Variants in NECAB1 observed in about 807,000 individuals in gnomAD.
NECAB1 encodes the protein N-terminal EF-hand calcium-binding protein 1.
Under a neutral mutation model 57.5 loss-of-function variants are expected in NECAB1, and 29 were observed. The observed-to-expected ratio is 0.50, with a 90% CI of 0.38 to 0.69. The LOEUF (loss-of-function observed/expected upper bound fraction) is 0.69. Ranked by LOEUF, NECAB1 falls within the 30% of genes least tolerant of loss-of-function variation. The probability of loss-of-function intolerance (pLI) is 0.00; values close to 1 mark genes in which losing one functional copy is unlikely to be tolerated. For missense variants in NECAB1, 372 were observed against 413.8 expected (o/e 0.90, Z 0.88); for synonymous variants, 142 against 147.7 (o/e 0.96, Z 0.28).
intron 3 of NECAB1, among the ~76,000 whole-genome samples, chr8:90,865,903 T>C (rs78918480): frequency 0.017 from 2,544 of 152,310 alleles, 78 homozygotes; most frequent in African/African-American, 0.058. Flanking sequence ...CTCAGTTTAG[T>C]TGGTATCTGC....
At chr8:90,892,275 C>T (rs1809200700) in intron 5 of NECAB1, among the ~76,000 whole-genome samples, 1 of 151,888 alleles carries the variant, frequency 6.6e-6, no homozygotes, top group Non-Finnish European at 1.5e-5. Context: ...GGTTTTTTCT[C>T]TATTGTGGGA....
chr8:90,879,118 A>G (rs1808788424), intron 4 of NECAB1, among the ~76,000 whole-genome samples: 1 of 143,358 alleles, frequency 7.0e-6, no homozygotes, highest in Non-Finnish European at 1.5e-5. Flanking sequence ...CTATATATAG[A>G]TATCTATATA....
chr8:90,954,875 A>G (rs977632684), intron 12 of NECAB1, among the ~76,000 whole-genome samples: 1 of 147,980 alleles, frequency 6.8e-6, no homozygotes, highest in Admixed American at 6.8e-5. Context: ...ATATGCATAT[A>G]TGTATATTAT....
intron 5 of NECAB1, among the ~76,000 whole-genome samples, chr8:90,910,642 G>C (rs1231786000): frequency 6.6e-6 from 1 of 152,036 alleles, no homozygotes; most frequent in African/African-American, 2.4e-5. Context: ...GGTCCCTCCT[G>C]ACATAGCCCT....
intron 9 of NECAB1, among the ~76,000 whole-genome samples, chr8:90,935,554 AG>A (rs1810518050): frequency 6.6e-6 from 1 of 152,128 alleles, no homozygotes; most frequent in South Asian, 2.1e-4. Flanking sequence ...GCAGTCCCGG[AG>A]GCACAGGAAT....
In NECAB1 at chr8:90,917,430, A is replaced by G. The variant is rs1256016498; in HGVS notation, c.358-62A>G. The stretch of plus-strand genomic sequence containing the variant: ...TGATGGGTACATGGTAAAAGAAAAA[A>G]AAAAAATCCTGGGTATTTTTTTCTA... On this transcript the variant is annotated intron_variant, in intron 5 of 12. Transcript: ENST00000417640. The G allele has an allele frequency of 8.7e-6, 13 of 1,499,844 alleles. No homozygotes were observed. In the East Asian group the frequency reaches 2.5e-4, roughly 29 times the overall value. The allele number at this position is 1,499,844 out of a possible 1,614,324, so 92.9% of individuals were successfully genotyped here. A position where few individuals can be genotyped will look rare whatever the true frequency, so the allele number is the denominator to read the frequency against.
At chr8:90,816,942 C>T (rs764646961) in intron 2 of NECAB1, among the ~76,000 whole-genome samples, 9 of 151,610 alleles carry the variant, frequency 5.9e-5, no homozygotes, top group South Asian at 4.1e-4. Flanking sequence ...AACCCATGGA[C>T]GTAGAATATC....
At chr8:90,887,459 A>C (rs1002485703) in intron 5 of NECAB1, among the ~76,000 whole-genome samples, 1 of 152,236 alleles carries the variant, frequency 6.6e-6, no homozygotes, top group African/African-American at 2.4e-5. Context: ...CATGTAAAAC[A>C]TTAGCCTATT....
intron 4 of NECAB1, among the ~76,000 whole-genome samples, chr8:90,876,565 A>G (rs1302305957): frequency 6.6e-6 from 1 of 152,158 alleles, no homozygotes; most frequent in East Asian, 1.9e-4. Flanking sequence ...TGAAAACTCA[A>G]CAACTTGAAA....
intron 3 of NECAB1, among the ~76,000 whole-genome samples, chr8:90,855,456 G>A (rs940703311): frequency 6.6e-6 from 1 of 152,138 alleles, no homozygotes; most frequent in African/African-American, 2.4e-5. Flanking sequence ...GAACTGGTTG[G>A]ATTAAGGAGT....
chr8:90,906,891 A>ATATATATG (rs1809680355), intron 5 of NECAB1, among the ~76,000 whole-genome samples: 1 of 113,412 alleles, frequency 8.8e-6, no homozygotes, highest in African/African-American at 4.0e-5. Context: ...ATATATATAT[A>ATATATATG]TATATATATA....
intron 9 of NECAB1, among the ~76,000 whole-genome samples, chr8:90,938,719 T>C (rs1468851709): frequency 1.3e-5 from 2 of 152,178 alleles, no homozygotes; most frequent in Non-Finnish European, 2.9e-5. Context: ...AAGTTGGAAA[T>C]TGCAACCCAA....
At chr8:90,885,443 GCTT>G (rs1308666691) in intron 5 of NECAB1, among the ~76,000 whole-genome samples, 6 of 152,150 alleles carry the variant, frequency 3.9e-5, no homozygotes, top group Non-Finnish European at 7.3e-5. Context: ...CCAGACTAGG[GCTT>G]CCGTGGCTAT....
At chr8:90,810,515 G>C (rs1339352039) in intron 2 of NECAB1, among the ~76,000 whole-genome samples, 1 of 152,104 alleles carries the variant, frequency 6.6e-6, no homozygotes, top group Admixed American at 6.6e-5. Flanking sequence ...TTGAAAATAG[G>C]AATAATAAGA....
At chr8:90,899,977 T>C (rs1426732779) in intron 5 of NECAB1, among the ~76,000 whole-genome samples, 6 of 152,122 alleles carry the variant, frequency 3.9e-5, no homozygotes. Context: ...GTGAGAATAA[T>C]AAGCATTACT....
intron 3 of NECAB1, among the ~76,000 whole-genome samples, chr8:90,868,069 C>A (rs1327768978): frequency 7.3e-6 from 1 of 137,200 alleles, no homozygotes; most frequent in East Asian, 2.9e-4. Context: ...GTAGCACTTC[C>A]CCCTTCACTC....
intron 4 of NECAB1, among the ~76,000 whole-genome samples, chr8:90,875,487 C>CAAAAAAAAA (rs35777818): frequency 1.4e-4 from 6 of 41,490 alleles, no homozygotes; most frequent in African/African-American, 5.7e-4. Flanking sequence ...GACTCCGTCT[C>CAAAAAAAAA]AAAAAAAAAA....
chr8:90,952,765 G>A (rs1412390781), intron 12 of NECAB1, among the ~76,000 whole-genome samples: 5 of 147,142 alleles, frequency 3.4e-5, no homozygotes, highest in Non-Finnish European at 5.9e-5. Flanking sequence ...GCGACAGAGC[G>A]AGACTCCATG....
In NECAB1 at chr8:90,957,243, G is replaced by T. The variant is rs1402295548; in HGVS notation, c.*1731G>T. On this transcript the variant is annotated 3_prime_UTR_variant, in exon 13 of 13. Transcript: ENST00000417640. The stretch of plus-strand genomic sequence containing the variant: ...ATACAAACTCTTCTTGAGAATGTTT[G>T]TTGTAAATGGTTTCAAAAATACAAA... 3 of 151,918 alleles carry T rather than the reference G, an allele frequency of 2.0e-5. No homozygotes were observed. Among genetic ancestry groups the T allele is most frequent in the Non-Finnish European group, 4.4e-5 (3 of 67,908 alleles). The allele number at this position is 151,918 out of a possible 1,614,324, so 9.4% of individuals were successfully genotyped here. A position where few individuals can be genotyped will look rare whatever the true frequency, so the allele number is the denominator to read the frequency against.
Sources: gnomAD v4.1 joint callset for allele counts (sites outside exome capture counted in the v4.1 genomes callset) on GRCh38, gnomAD v4.1.1 for gene constraint, MANE v1.5 for transcripts, NCBI Gene and HGNC (gene_info 2026-07-23, HGNC 2026-07-21) for gene names.